The following COL27A1 variants were observed in gnomAD, a reference collection of about 807,000 sequenced individuals.
COL27A1 encodes collagen alpha-1(XXVII) chain.
Under a neutral mutation model 251.3 loss-of-function variants are expected in COL27A1, and 106 were observed. The ratio of observed to expected loss-of-function variants is 0.42; its 90% CI spans 0.36 to 0.50. The LOEUF is 0.50. Ranked by LOEUF, COL27A1 falls within the 20% of genes least tolerant of loss-of-function variation. COL27A1 has a pLI of 0.00. For synonymous variants in COL27A1, 1,000 were observed against 986.3 expected (o/e 1.01, Z -0.26); for missense variants, 2,325 against 2,522.8 (o/e 0.92, Z 1.68).
chr9:114,244,761 G>A (rs770262256), intron 23 of COL27A1, among the ~76,000 whole-genome samples: 8 of 152,202 alleles, frequency 5.3e-5, no homozygotes, highest in Non-Finnish European at 8.8e-5. Flanking sequence ...ATGTCCTGCC[G>A]TCTGAGGTTT....
chr9:114,207,066 C>T (rs564162159), intron 10 of COL27A1, among the ~76,000 whole-genome samples: 18 of 152,332 alleles, frequency 1.2e-4, no homozygotes, highest in Admixed American at 7.2e-4. Context: ...TTACACTGCA[C>T]GCCTAAGGCG....
intron 25 of COL27A1, among the ~76,000 whole-genome samples, chr9:114,251,706 TTTC>T (rs774113558): frequency 2.0e-5 from 3 of 152,196 alleles, no homozygotes; most frequent in Non-Finnish European, 2.9e-5. Context: ...AGCCAAATGC[TTTC>T]TTCCCATTGC....
At chr9:114,221,485 T>G (rs1487117338) in intron 13 of COL27A1, among the ~76,000 whole-genome samples, 1 of 152,248 alleles carries the variant, frequency 6.6e-6, no homozygotes, top group Non-Finnish European at 1.5e-5. Flanking sequence ...AGGCTGTTGC[T>G]TACTTCTCAT....
At chr9:114,163,185 G>A (rs987956111) in intron 2 of COL27A1, among the ~76,000 whole-genome samples, 3 of 151,848 alleles carry the variant, frequency 2.0e-5, no homozygotes, top group African/African-American at 7.3e-5. Flanking sequence ...AGTGTGCCCA[G>A]ATCACGCCAC....
At position 114,288,706 on chromosome 9, in the gene COL27A1, C is replaced by T; in HGVS notation, c.4049C>T (p.Pro1350Leu). 3 of 1,610,432 alleles carry T rather than the reference C, an allele frequency of 1.9e-6. No individual in the cohort carries two copies. The South Asian group carries it at 3.3e-5, about 18-fold the overall frequency. ...GPPGPPGDRG[P>L]VGDRGDRGEP... Reference sequence around the variant, plus strand: ...GCTGTTGTCTTTGTCATTCAGGGCCCTGTGGGTGATCGAGGAGACCGCGGG... The same window carrying T: ...GCTGTTGTCTTTGTCATTCAGGGCCTTGTGGGTGATCGAGGAGACCGCGGG... Residue 1350 changes from proline (P) to leucine (L), a missense_variant, in exon 43 of 61, where the codon CCT becomes CTT. Pro to Leu is a moderately conservative substitution (Grantham distance 98, BLOSUM62 -3). Coordinates refer to ENST00000356083, the MANE Select transcript of COL27A1 (RefSeq NM_032888.4).
At chr9:114,246,680 C>T (rs1332260533) in intron 24 of COL27A1, among the ~76,000 whole-genome samples, 4 of 152,190 alleles carry the variant, frequency 2.6e-5, no homozygotes, top group South Asian at 2.1e-4. Flanking sequence ...CACGAAACCC[C>T]GTCAGTGGCG....
intron 3 of COL27A1, among the ~76,000 whole-genome samples, chr9:114,174,462 A>G (rs1849545128): frequency 6.6e-6 from 1 of 152,164 alleles, no homozygotes. Context: ...CAGCCAAATT[A>G]TAGCACAGCA....
chr9:114,206,445 G>A, intron 10 of COL27A1, 149 bp downstream of exon 10: 2 of 797,918 alleles, frequency 2.5e-6, no homozygotes, highest in Non-Finnish European at 2.1e-6. Flanking sequence ...GCAGCAGGAG[G>A]GATGGGTGAT....
At chr9:114,212,212 G>GT (rs1830414915) in intron 12 of COL27A1, among the ~76,000 whole-genome samples, 1 of 152,248 alleles carries the variant, frequency 6.6e-6, no homozygotes, top group Non-Finnish European at 1.5e-5. Flanking sequence ...CTAGACCTGG[G>GT]CAAGGAGCAG....
chr9:114,261,623 G>C (rs1834343161), intron 28 of COL27A1, among the ~76,000 whole-genome samples: 1 of 152,234 alleles, frequency 6.6e-6, no homozygotes, highest in African/African-American at 2.4e-5. Context: ...TCAGATAAGA[G>C]GGATTTTAGA....
At chr9:114,182,029 C>A (rs549224586) in intron 4 of COL27A1, among the ~76,000 whole-genome samples, 4 of 152,084 alleles carry the variant, frequency 2.6e-5, no homozygotes, top group African/African-American at 9.6e-5. Context: ...GCTCTCAACT[C>A]CAAAGACTCA....
intron 9 of COL27A1, 106 bp downstream of exon 9, chr9:114,205,918 C>A: frequency 2.9e-6 from 3 of 1,031,554 alleles, no homozygotes; most frequent in Non-Finnish European, 4.3e-6. Context: ...AGGAGCTGCA[C>A]CTGCTGGGTG....
At position 114,166,368 on chromosome 9, in the gene COL27A1, A is replaced by AATCCATCCATCCATCCGTCCATCC. The variant is rs1848865526; in HGVS notation, c.134-1305_134-1304insGTCCATCCATCCATCCATCCATCC. On this transcript the variant is annotated intron_variant, in intron 2 of 60. Transcript: ENST00000356083. ...TCATGCATCCATGTATCCATCCATC[A>AATCCATCCATCCATCCGTCCATCC]ATCCATCCATCCATCCATCCATCCA... Among the ~76,000 whole-genome samples the AATCCATCCATCCATCCGTCCATCC allele has an allele frequency of 3.4e-3, 126 of 37,136 alleles. 4 individuals carry two copies. In the South Asian group the frequency reaches 0.092, roughly 27 times the overall value. The allele number at this position is 37,136 out of a possible 152,430, so 24.4% of individuals were successfully genotyped here.
At chr9:114,264,613 A>G (rs1834604721) in intron 29 of COL27A1, among the ~76,000 whole-genome samples, 1 of 152,128 alleles carries the variant, frequency 6.6e-6, no homozygotes, top group Admixed American at 6.5e-5. Context: ...GCAAGAAAGG[A>G]GGAGGGAGAT....
intron 12 of COL27A1, among the ~76,000 whole-genome samples, chr9:114,212,234 C>T (rs540158706): frequency 1.3e-5 from 2 of 152,324 alleles, no homozygotes; most frequent in African/African-American, 4.8e-5. Flanking sequence ...ACCTGATGCT[C>T]CCAGCTTCAG....
At chr9:114,276,784 A>C (rs1835536905) in intron 37 of COL27A1, among the ~76,000 whole-genome samples, 1 of 152,214 alleles carries the variant, frequency 6.6e-6, no homozygotes, top group South Asian at 2.1e-4. Context: ...CCTGAGATTG[A>C]AGAGGTAAAT....
intron 7 of COL27A1, among the ~76,000 whole-genome samples, chr9:114,204,701 C>T (rs1311784654): frequency 6.6e-6 from 1 of 152,116 alleles, no homozygotes; most frequent in African/African-American, 2.4e-5. Flanking sequence ...CAGCACAGTC[C>T]AGACCTCAAG....
chr9:114,252,676 T>C (rs1564526454), intron 26 of COL27A1, 30 bp downstream of exon 26: 1 of 1,605,804 alleles, frequency 6.2e-7, no homozygotes, highest in South Asian at 1.1e-5. Flanking sequence ...CCTCTTGCCC[T>C]CTCCTGTTGC....
chr9:114,242,054 A>G (rs1331319504), intron 21 of COL27A1, 133 bp from the exon 22 acceptor site: 4 of 698,130 alleles, frequency 5.7e-6, no homozygotes, highest in African/African-American at 5.5e-5. Context: ...CAGGTGGGCC[A>G]GGCGTGCTGT....
Sources: gnomAD v4.1 joint callset for allele counts (sites outside exome capture counted in the v4.1 genomes callset) on GRCh38, gnomAD v4.1.1 for gene constraint, MANE v1.5 for transcripts, NCBI Gene and HGNC (gene_info 2026-07-23, HGNC 2026-07-21) for gene names.